PPP4R3B: variants seen among roughly 807,000 people sequenced by gnomAD.
PPP4R3B encodes protein phosphatase 4 regulatory subunit 3B.
In PPP4R3B, 52 loss-of-function variants were observed where a neutral mutation model predicts 95.4. The ratio of observed to expected loss-of-function variants is 0.54; its 90% CI spans 0.44 to 0.69. The LOEUF (loss-of-function observed/expected upper bound fraction) is 0.69. PPP4R3B is among the 30% of genes least tolerant of loss of function. The pLI, the probability that PPP4R3B is intolerant of heterozygous loss-of-function variation, is 0.00. For synonymous variants in PPP4R3B, 407 were observed against 343.9 expected, an observed-to-expected ratio of 1.18 and a Z score of -2.03; for missense variants, 1,003 against 1,005.9, an observed-to-expected ratio of 1.00 and a Z score of 0.04.
intron 4 of PPP4R3B, among the ~76,000 whole-genome samples, chr2:55,596,732 G>T (rs1350543359): frequency 4.6e-5 from 7 of 152,238 alleles, no homozygotes; most frequent in African/African-American, 1.7e-4. Context: ...GGAGGCCAAG[G>T]CGGGCGGATC....
chr2:55,562,038 G>A (rs543425996), intron 15 of PPP4R3B, among the ~76,000 whole-genome samples: 68 of 152,298 alleles, frequency 4.5e-4, no homozygotes, highest in African/African-American at 1.5e-3. Context: ...ATCCCCAGGT[G>A]TTGGAGGAGA....
intron 3 of PPP4R3B, among the ~76,000 whole-genome samples, chr2:55,599,573 T>C (rs1692268521): frequency 6.6e-6 from 1 of 152,234 alleles, no homozygotes; most frequent in Non-Finnish European, 1.5e-5. Flanking sequence ...AGAAATCAAC[T>C]TTTGTTGTGA....
intron 2 of PPP4R3B, among the ~76,000 whole-genome samples, chr2:55,610,884 T>G (rs1031409644): frequency 6.6e-6 from 1 of 151,820 alleles, no homozygotes; most frequent in African/African-American, 2.4e-5. Flanking sequence ...TTTTTTTTTT[T>G]TGAGAGAGTC....
Position 55,549,703 on chromosome 2 carries a change from G to A in PPP4R3B, c.*208C>T, listed in dbSNP as rs1685034699. The A allele has an allele frequency of 3.8e-6, 2 of 524,518 alleles. No individual in the cohort carries two copies. The highest frequency in any genetic ancestry group is 6.9e-5 in the East Asian group (2 of 29,114). 32.5% of individuals were successfully genotyped at this position (524,518 alleles called of 1,614,324 possible). A position where few individuals can be genotyped will look rare whatever the true frequency, so the allele number is the denominator to read the frequency against. On this transcript the variant is annotated 3_prime_UTR_variant, in exon 17 of 17. Coordinates refer to ENST00000616407, the MANE Select transcript of PPP4R3B (RefSeq NM_001122964.3). ...AATGTTTGTTTTGACAGCCTAAAAG[G>A]CAAACCCCTTAATTACTAGCAAGCA...
chr2:55,593,386 G>T (rs1220792366), intron 4 of PPP4R3B, among the ~76,000 whole-genome samples: 1 of 152,064 alleles, frequency 6.6e-6, no homozygotes, highest in East Asian at 1.9e-4. Flanking sequence ...TTTAAGCTAG[G>T]ATTTATGATA....
At chr2:55,558,502 G>A (rs551055893) in intron 16 of PPP4R3B, among the ~76,000 whole-genome samples, 1 of 152,168 alleles carries the variant, frequency 6.6e-6, no homozygotes, top group East Asian at 1.9e-4. Context: ...CAGCTACTTG[G>A]GAGACTGAGG....
chr2:55,569,002 CTAGA>C (rs1383337955), intron 12 of PPP4R3B, among the ~76,000 whole-genome samples: 1 of 152,104 alleles, frequency 6.6e-6, no homozygotes, highest in African/African-American at 2.4e-5. Context: ...AATAGTTATA[CTAGA>C]TATAGATCTT....
At chr2:55,606,625 C>T (rs2103798424) in intron 2 of PPP4R3B, among the ~76,000 whole-genome samples, 1 of 151,998 alleles carries the variant, frequency 6.6e-6, no homozygotes, top group East Asian at 1.9e-4. Flanking sequence ...AGTTTGAGAC[C>T]AGTATGGCCA....
At chr2:55,605,708 C>G (rs777660636) in intron 2 of PPP4R3B, among the ~76,000 whole-genome samples, 2 of 152,048 alleles carry the variant, frequency 1.3e-5, no homozygotes, top group Non-Finnish European at 2.9e-5. Flanking sequence ...GAGATGAAGA[C>G]CATCCTGGCC....
At position 55,559,373 on chromosome 2, in the gene PPP4R3B, AT is replaced by A. The variant is rs1448467588; in HGVS notation, c.2261-406del. Among the ~76,000 whole-genome samples the A allele has an allele frequency of 4.6e-5, 7 of 152,256 alleles. No homozygotes were observed. In the South Asian group the frequency reaches 8.3e-4, roughly 18 times the overall value. ...AAAAAAACCAAAAAAACAAAAAAAA[AT>A]AACACCAAAATTAATTGCCTTTGTT... On this transcript the variant is annotated intron_variant, in intron 15 of 16. Coordinates refer to ENST00000616407, the MANE Select transcript of PPP4R3B (RefSeq NM_001122964.3).
intron 4 of PPP4R3B, among the ~76,000 whole-genome samples, chr2:55,595,814 G>T (rs1691693469): frequency 6.6e-6 from 1 of 151,630 alleles, no homozygotes; most frequent in Non-Finnish European, 1.5e-5. Context: ...CCTGTAAGAG[G>T]GGCTCAGGGA....
chr2:55,594,072 A>G (rs1691413725), intron 4 of PPP4R3B, among the ~76,000 whole-genome samples: 2 of 152,218 alleles, frequency 1.3e-5, no homozygotes, highest in South Asian at 2.1e-4. Context: ...AGAAAATCAT[A>G]TATCGCATGT....
chr2:55,609,997 A>T (rs916855297), intron 2 of PPP4R3B, among the ~76,000 whole-genome samples: 20 of 152,172 alleles, frequency 1.3e-4, no homozygotes, highest in East Asian at 3.9e-4. Context: ...ACTAAAAAAA[A>T]TTTTTTTTAA....
intron 2 of PPP4R3B, among the ~76,000 whole-genome samples, chr2:55,608,106 G>A (rs371285117): frequency 2.4e-4 from 37 of 152,314 alleles, no homozygotes; most frequent in African/African-American, 8.4e-4. Flanking sequence ...CTGGGTTCAA[G>A]TGATTCTCCT....
At chr2:55,573,960 C>T (rs1688327556) in intron 11 of PPP4R3B, among the ~76,000 whole-genome samples, 183 bp from the exon 12 acceptor site, 1 of 139,480 alleles carries the variant, frequency 7.2e-6, no homozygotes, top group Non-Finnish European at 1.5e-5. Context: ...GTGATCATGG[C>T]ACATTGCAGC....
intron 3 of PPP4R3B, among the ~76,000 whole-genome samples, 160 bp from the exon 4 acceptor site, chr2:55,599,199 T>C (rs959870877): frequency 6.6e-6 from 1 of 152,092 alleles, no homozygotes; most frequent in African/African-American, 2.4e-5. Flanking sequence ...GCACTTTAGG[T>C]GGCTGAGGCA....
chr2:55,553,392 C>A (rs755439114), intron 16 of PPP4R3B, among the ~76,000 whole-genome samples: 6 of 152,024 alleles, frequency 3.9e-5, no homozygotes, highest in Non-Finnish European at 5.9e-5. Context: ...ACAACTAACA[C>A]CTCCCGAAAA....
At chr2:55,575,025 C>T (rs1688484306) in intron 11 of PPP4R3B, among the ~76,000 whole-genome samples, 1 of 147,318 alleles carries the variant, frequency 6.8e-6, no homozygotes, top group African/African-American at 2.5e-5. Context: ...GCAAGCTCCG[C>T]CTCCCGGGTT....
chr2:55,605,764 G>A (rs1348431630), intron 2 of PPP4R3B, among the ~76,000 whole-genome samples: 1 of 151,980 alleles, frequency 6.6e-6, no homozygotes, highest in Non-Finnish European at 1.5e-5. Context: ...AAATTAGCTG[G>A]GCGTGGTGGC....
Sources: allele counts gnomAD v4.1 joint callset (sites outside exome capture counted in the v4.1 genomes callset), GRCh38; gene constraint gnomAD v4.1.1; transcripts MANE v1.5; gene names NCBI Gene and HGNC (gene_info 2026-07-23, HGNC 2026-07-21).